Variants in TBC1D5 observed in about 807,000 individuals in gnomAD.
TBC1D5 encodes TBC1 domain family, member 5.
Under a neutral mutation model 100.3 loss-of-function variants are expected in TBC1D5, and 75 were observed. The observed-to-expected ratio is 0.75, with a 90% CI of 0.62 to 0.91. The LOEUF is 0.91. Among genes scored for constraint, TBC1D5 ranks in the 40% least tolerant of loss-of-function variants. The probability of loss-of-function intolerance (pLI) is 0.00; values close to 1 mark genes in which losing one functional copy is unlikely to be tolerated. For synonymous variants in TBC1D5, 323 were observed against 325.6 expected, an observed-to-expected ratio of 0.99 and a Z score of 0.09; for missense variants, 910 against 942.4, an observed-to-expected ratio of 0.97 and a Z score of 0.45.
intron 13 of TBC1D5, among the ~76,000 whole-genome samples, chr3:17,331,462 A>G (rs1168450089): frequency 6.6e-6 from 1 of 152,188 alleles, no homozygotes; most frequent in Non-Finnish European, 1.5e-5. Flanking sequence ...CTTCCTCTTA[A>G]TAGAAATACA....
chr3:17,728,819 G>A (rs2076323096), intron 1 of TBC1D5, among the ~76,000 whole-genome samples: 1 of 151,676 alleles, frequency 6.6e-6, no homozygotes, highest in Non-Finnish European at 1.5e-5. Flanking sequence ...TTGGAATAGG[G>A]AAAGTCTTTC....
chr3:17,486,083 T>C (rs1204610418), intron 3 of TBC1D5, among the ~76,000 whole-genome samples: 10 of 152,074 alleles, frequency 6.6e-5, no homozygotes, highest in African/African-American at 1.2e-4. Context: ...TGCATTTCTC[T>C]GATGGCCAGT....
intron 2 of TBC1D5, among the ~76,000 whole-genome samples, chr3:17,545,826 T>C (rs557428822): frequency 6.6e-6 from 1 of 152,308 alleles, no homozygotes; most frequent in East Asian, 1.9e-4. Context: ...GTTTCTTTCT[T>C]TCTCCAAACC....
chr3:17,294,020 G>A (rs967984788), intron 14 of TBC1D5, among the ~76,000 whole-genome samples: 9 of 152,222 alleles, frequency 5.9e-5, no homozygotes, highest in Non-Finnish European at 1.2e-4. Context: ...AAGTCTAGCT[G>A]CAGAGTCTGT....
intron 15 of TBC1D5, among the ~76,000 whole-genome samples, chr3:17,280,737 C>T (rs1327458826): frequency 2.0e-5 from 3 of 152,152 alleles, no homozygotes; most frequent in Non-Finnish European, 4.4e-5. Context: ...AGCCGTGCGA[C>T]CTGATTTTTC....
chr3:17,244,045 T>C (rs2076525404), intron 16 of TBC1D5, among the ~76,000 whole-genome samples: 1 of 152,156 alleles, frequency 6.6e-6, no homozygotes, highest in Admixed American at 6.6e-5. Context: ...CAGCCCTTTT[T>C]TGGTGTGGCT....
chr3:17,646,655 A>G (rs1203924472), intron 1 of TBC1D5, among the ~76,000 whole-genome samples: 1 of 152,122 alleles, frequency 6.6e-6, no homozygotes, highest in Non-Finnish European at 1.5e-5. Context: ...AATAATCCCC[A>G]TGTCCTTGCT....
At chr3:17,385,261 G>C (rs1329426613) in intron 8 of TBC1D5, among the ~76,000 whole-genome samples, 1 of 151,988 alleles carries the variant, frequency 6.6e-6, no homozygotes, top group Non-Finnish European at 1.5e-5. Context: ...TGATACTTTA[G>C]GTAATGAGAT....
intron 1 of TBC1D5, among the ~76,000 whole-genome samples, chr3:17,664,374 A>G (rs1470948313): frequency 6.6e-6 from 1 of 152,168 alleles, no homozygotes; most frequent in Non-Finnish European, 1.5e-5. Context: ...CTGGCCAGAA[A>G]ATGATTTTTA....
At chr3:17,657,493 T>C (rs1357973263) in intron 1 of TBC1D5, among the ~76,000 whole-genome samples, 4 of 151,980 alleles carry the variant, frequency 2.6e-5, no homozygotes, top group Non-Finnish European at 4.4e-5. Flanking sequence ...TGTGCCACCA[T>C]GCCCGGCTAA....
chr3:17,241,245 T>G (rs17043253), intron 16 of TBC1D5, among the ~76,000 whole-genome samples: 9,249 of 152,182 alleles, frequency 0.061, 496 homozygotes, highest in East Asian at 0.18. Context: ...ATTCTTCCTG[T>G]GAAATATTAA....
chr3:17,483,465 A>G (rs1426299253), intron 3 of TBC1D5, among the ~76,000 whole-genome samples: 1 of 152,228 alleles, frequency 6.6e-6, no homozygotes, highest in Non-Finnish European at 1.5e-5. Flanking sequence ...CTTGAGAAGA[A>G]AACTCAAAAC....
chr3:17,389,138 T>C (rs1398711289), intron 8 of TBC1D5, among the ~76,000 whole-genome samples: 2 of 152,124 alleles, frequency 1.3e-5, no homozygotes, highest in African/African-American at 2.4e-5. Context: ...CCAGATTTTT[T>C]ATCCTGTAGA....
intron 1 of TBC1D5, among the ~76,000 whole-genome samples, chr3:17,698,206 T>C (rs1402791229): frequency 6.6e-6 from 1 of 152,156 alleles, no homozygotes; most frequent in African/African-American, 2.4e-5. Context: ...TATAGATCAA[T>C]GGAACAGAAC....
intron 2 of TBC1D5, among the ~76,000 whole-genome samples, chr3:17,520,507 C>T (rs1239046473): frequency 6.6e-6 from 1 of 151,944 alleles, no homozygotes; most frequent in African/African-American, 2.4e-5. Context: ...TTTATAAATA[C>T]TCAGATAAAG....
At chr3:17,692,252 C>T (rs893649680) in intron 1 of TBC1D5, among the ~76,000 whole-genome samples, 7 of 152,078 alleles carry the variant, frequency 4.6e-5, no homozygotes, top group Admixed American at 4.6e-4. Context: ...CCACCATGCC[C>T]AGCTAATTTT....
At chr3:17,325,460 T>C (rs2085980127) in intron 13 of TBC1D5, among the ~76,000 whole-genome samples, 1 of 151,900 alleles carries the variant, frequency 6.6e-6, no homozygotes, top group Non-Finnish European at 1.5e-5. Flanking sequence ...GTAGCTGGGA[T>C]TTACAGGCAT....
At chr3:17,733,321 C>G (rs2076711551) in intron 1 of TBC1D5, among the ~76,000 whole-genome samples, 1 of 152,188 alleles carries the variant, frequency 6.6e-6, no homozygotes, top group Non-Finnish European at 1.5e-5. Context: ...ATGGCAGGAA[C>G]ATAGCTTGAT....
intron 1 of TBC1D5, among the ~76,000 whole-genome samples, chr3:17,685,433 C>G (rs920590931): frequency 2.0e-5 from 3 of 151,868 alleles, no homozygotes; most frequent in Non-Finnish European, 4.4e-5. Flanking sequence ...TAATGAAATA[C>G]ATAAATAAAA....
Sources: allele counts gnomAD v4.1 joint callset (sites outside exome capture counted in the v4.1 genomes callset), GRCh38; gene constraint gnomAD v4.1.1; transcripts MANE v1.5; gene names NCBI Gene and HGNC (gene_info 2026-07-23, HGNC 2026-07-21).